Variants in C3orf52 observed in about 807,000 individuals in gnomAD.
The protein encoded by C3orf52 is chromosome 3 open reading frame 52.
In C3orf52, 22 loss-of-function variants were observed where a neutral mutation model predicts 24.8. The ratio of observed to expected loss-of-function variants is 0.89; its 90% CI spans 0.63 to 1.27. C3orf52 has a LOEUF of 1.27. Among genes scored for constraint, C3orf52 ranks in the 50% most tolerant of loss-of-function variants. The pLI, the probability that C3orf52 is intolerant of heterozygous loss-of-function variation, is 0.00. For synonymous variants in C3orf52, 93 were observed against 100.2 expected, an observed-to-expected ratio of 0.93 and a Z score of 0.43; for missense variants, 265 against 260.7, an observed-to-expected ratio of 1.02 and a Z score of -0.11.
downstream of C3orf52, chr3:112,123,108 G>A (rs1339097737): frequency 7.4e-6 from 2 of 269,356 alleles, no homozygotes; most frequent in African/African-American, 4.4e-5. Flanking sequence ...GAATGATCAT[G>A]GGAACACTTT....
In C3orf52 at chr3:112,114,681, G is replaced by A. The variant is rs1028036427; in HGVS notation, c.649+1536G>A. ...ATCGCATCATTGCACTCCAGCCTGG[G>A]TGACAAGAGTGAAACTCCATTTCAA... On this transcript the variant is annotated intron_variant, in intron 5 of 5. Transcript: ENST00000264848. Among the ~76,000 whole-genome samples, 3 of 152,094 alleles carry A rather than the reference G, an allele frequency of 2.0e-5. No individual in the cohort carries two copies. In the South Asian group the frequency reaches 6.2e-4, roughly 32 times the overall value.
downstream of C3orf52, among the ~76,000 whole-genome samples, chr3:112,119,056 C>T (rs1279421012): frequency 2.6e-5 from 4 of 152,068 alleles, no homozygotes; most frequent in Non-Finnish European, 1.5e-5. Context: ...ACAGATGAAA[C>T]AGGAAACAGC....
chr3:112,101,183 C>A (rs1429099205), intron 2 of C3orf52, among the ~76,000 whole-genome samples: 2 of 152,200 alleles, frequency 1.3e-5, no homozygotes, highest in African/African-American at 2.4e-5. Context: ...GGAGGATACA[C>A]AGGACTCAGC....
chr3:112,128,055 C>G, intron 4 of C3orf52: 1 of 1,613,650 alleles, frequency 6.2e-7, no homozygotes, highest in Non-Finnish European at 8.5e-7. Flanking sequence ...TATGGTGATC[C>G]CAGCATCTAA....
downstream of C3orf52, chr3:112,120,780 C>A (rs2074180270): frequency 6.6e-6 from 1 of 152,140 alleles, no homozygotes. Flanking sequence ...GCACAGCTTT[C>A]ATTAGAAATC....
chr3:112,087,207 G>T (rs1380983740), intron 1 of C3orf52, among the ~76,000 whole-genome samples: 1 of 152,136 alleles, frequency 6.6e-6, no homozygotes, highest in African/African-American at 2.4e-5. Context: ...AACTTGCCCT[G>T]CTCAATTGAA....
chr3:112,115,171 G>T (rs1334051544), intron 5 of C3orf52, among the ~76,000 whole-genome samples: 1 of 152,188 alleles, frequency 6.6e-6, no homozygotes, highest in African/African-American at 2.4e-5. Context: ...GCATGAATGT[G>T]CAATATTTGA....
At chr3:112,107,269 G>A (rs1266792033) in intron 3 of C3orf52, among the ~76,000 whole-genome samples, 1 of 152,192 alleles carries the variant, frequency 6.6e-6, no homozygotes, top group Non-Finnish European at 1.5e-5. Context: ...TATCACCTTT[G>A]CCATAGGAAG....
At chr3:112,125,370 TCTC>T (rs1038400602) in intron 4 of C3orf52, 31 of 721,882 alleles carry the variant, frequency 4.3e-5, no homozygotes, top group Middle Eastern at 2.5e-4. Flanking sequence ...GGGTAGCTCT[TCTC>T]AGGCTATTCT....
chr3:112,086,663 A>AG (rs1393810346), intron 1 of C3orf52, 118 bp downstream of exon 1: 8 of 1,304,838 alleles, frequency 6.1e-6, no homozygotes, highest in Non-Finnish European at 8.4e-6. Flanking sequence ...GCGCCGAGCG[A>AG]GGGTGGGGCG....
At chr3:112,122,019 G>A (rs1013989973), downstream of C3orf52, 9 of 152,188 alleles carry the variant, frequency 5.9e-5, no homozygotes, top group East Asian at 3.8e-4. Flanking sequence ...GACAGTAGCC[G>A]TGAGTTAAAT....
At chr3:112,133,089 T>TA (rs893741214), downstream of C3orf52, 1 of 1,613,636 alleles carries the variant, frequency 6.2e-7, no homozygotes. Context: ...AGTCTAGACT[T>TA]ACCTGTTTTC....
intron 3 of C3orf52, among the ~76,000 whole-genome samples, chr3:112,108,610 A>G (rs2074049690): frequency 1.3e-5 from 2 of 152,268 alleles, no homozygotes; most frequent in South Asian, 2.1e-4. Context: ...ATAGGCTGGT[A>G]TACTCATTTA....
intron 4 of C3orf52, chr3:112,126,896 A>G: frequency 1.1e-6 from 1 of 885,246 alleles, no homozygotes; most frequent in Non-Finnish European, 1.9e-6. Flanking sequence ...TAATTGAAAT[A>G]TGCCTAAGGG....
chr3:112,132,758 G>A, downstream of C3orf52: 1 of 600,856 alleles, frequency 1.7e-6, no homozygotes, highest in Non-Finnish European at 2.1e-6. Context: ...GGAGCATGAG[G>A]AGCTCAGGAG....
downstream of C3orf52, among the ~76,000 whole-genome samples, chr3:112,132,404 C>G (rs1337577827): frequency 6.6e-6 from 1 of 152,156 alleles, no homozygotes; most frequent in African/African-American, 2.4e-5. Context: ...TGTGGTGGCA[C>G]TATTTTGGTG....
intron 1 of C3orf52, among the ~76,000 whole-genome samples, chr3:112,093,035 T>A (rs1159587384): frequency 6.6e-6 from 1 of 152,166 alleles, no homozygotes. Flanking sequence ...CACATTCCAG[T>A]CGGCAGGCTA....
intron 4 of C3orf52, chr3:112,123,731 G>T: frequency 6.2e-7 from 1 of 1,613,938 alleles, no homozygotes; most frequent in Non-Finnish European, 8.5e-7. Flanking sequence ...GATTGATGAG[G>T]GTATAGCACA....
chr3:112,131,897 C>T (rs977799307), downstream of C3orf52, among the ~76,000 whole-genome samples: 6 of 152,088 alleles, frequency 3.9e-5, no homozygotes, highest in African/African-American at 1.4e-4. Flanking sequence ...GTCCAAATAG[C>T]ATAAGATGTG....
Sources: gnomAD v4.1 joint callset for allele counts (sites outside exome capture counted in the v4.1 genomes callset) on GRCh38, gnomAD v4.1.1 for gene constraint, MANE v1.5 for transcripts, NCBI Gene and HGNC (gene_info 2026-07-23, HGNC 2026-07-21) for gene names.